Variants in STRA6 observed in about 807,000 individuals in gnomAD.
STRA6 encodes signaling receptor and transporter of retinol STRA6, also known as receptor for retinol uptake STRA6.
Under a neutral mutation model 83.6 loss-of-function variants are expected in STRA6, and 48 were observed. The observed-to-expected ratio is 0.57, with a 90% CI of 0.46 to 0.73. The LOEUF (loss-of-function observed/expected upper bound fraction) is 0.73, where lower values mean the gene tolerates loss of function less well. STRA6 is among the 30% of genes least tolerant of loss of function. The pLI is 0.00. For synonymous variants in STRA6, 353 were observed against 362.3 expected (o/e 0.97, Z 0.29); for missense variants, 760 against 838.8 (o/e 0.91, Z 1.16).
intron 7 of STRA6, chr15:74,194,816 C>T: frequency 7.6e-7 from 1 of 1,311,192 alleles, no homozygotes. Context: ...TACCATCACT[C>T]TTTGAGTTCT....
At chr15:74,208,530 C>G (rs1318935347) in intron 1 of STRA6, among the ~76,000 whole-genome samples, 1 of 152,138 alleles carries the variant, frequency 6.6e-6, no homozygotes, top group East Asian at 1.9e-4. Flanking sequence ...CAACCTTTTG[C>G]CCACAGCCAG....
At chr15:74,211,134 C>A (rs1016933967), upstream of STRA6, among the ~76,000 whole-genome samples, 2 of 127,556 alleles carry the variant, frequency 1.6e-5, no homozygotes, top group East Asian at 2.3e-4. Context: ...GATTCCCCCC[C>A]ACCACTACGC....
In STRA6 at chr15:74,197,399, T is replaced by TG; in HGVS notation, c.204dup (p.Met69HisfsTer11). ...CAGAGCTGGCGGCGCCTCACCAGCA[T>TG]GGCCAGGAGCAGCAGCACAAGGATC... is the stretch of plus-strand genomic sequence containing the variant. On this transcript the variant is annotated frameshift_variant, in exon 4 of 19. Coordinates refer to ENST00000395105, the MANE Select transcript of STRA6 (RefSeq NM_022369.4). LOFTEE classifies it high-confidence loss of function. The TG allele has an allele frequency of 6.4e-7, 1 of 1,550,424 alleles. No individual in the cohort carries two copies. Among genetic ancestry groups the TG allele is most frequent in the Non-Finnish European group, 8.7e-7 (1 of 1,146,914 alleles).
At chr15:74,191,340 C>T in intron 9 of STRA6, 84 bp downstream of exon 9, 2 of 1,607,376 alleles carry the variant, frequency 1.2e-6, no homozygotes, top group Non-Finnish European at 1.7e-6. Flanking sequence ...CTGCCCCTGC[C>T]ATGCTGCCCA....
At chr15:74,211,153 GCACACACA>G (rs71137380), upstream of STRA6, among the ~76,000 whole-genome samples, 20,891 of 148,702 alleles carry the variant, frequency 0.14, 2,008 homozygotes, top group Non-Finnish European at 0.21. Flanking sequence ...GCACGCACAC[GCACACACA>G]CACACACACA....
At chr15:74,185,395 C>T (rs1442244191) in intron 12 of STRA6, among the ~76,000 whole-genome samples, 1 of 152,208 alleles carries the variant, frequency 6.6e-6, no homozygotes, top group Non-Finnish European at 1.5e-5. Flanking sequence ...GCCATGTGGC[C>T]TTCAGGAGGG....
At chr15:74,180,534 C>A (rs369129127) in intron 18 of STRA6, among the ~76,000 whole-genome samples, 3 of 152,262 alleles carry the variant, frequency 2.0e-5, no homozygotes, top group South Asian at 2.1e-4. Context: ...GGGGCAGTGA[C>A]GGAGCCCCTT....
At chr15:74,189,385 C>A (rs1205731607) in intron 11 of STRA6, 108 bp from the exon 12 acceptor site, 5 of 1,459,292 alleles carry the variant, frequency 3.4e-6, no homozygotes, top group Non-Finnish European at 4.6e-6. Context: ...GCCACATGCC[C>A]ATTGCCCATC....
At chr15:74,182,097 AAG>A in intron 16 of STRA6, 62 bp downstream of exon 16, 1 of 1,411,060 alleles carries the variant, frequency 7.1e-7, no homozygotes, top group South Asian at 1.2e-5. Flanking sequence ...AGGACACAAA[AAG>A]AGAGAGACAC....
intron 2 of STRA6, among the ~76,000 whole-genome samples, chr15:74,201,259 T>A (rs986544283): frequency 6.6e-6 from 1 of 152,112 alleles, no homozygotes; most frequent in African/African-American, 2.4e-5. Context: ...CTTCTCAAGT[T>A]TCAGGTTTTG....
intron 12 of STRA6, 100 bp from the exon 13 acceptor site, chr15:74,185,155 C>T: frequency 1.7e-6 from 2 of 1,196,494 alleles, no homozygotes; most frequent in Non-Finnish European, 2.4e-6. Context: ...GGGAGTTCCC[C>T]CTGCCCCAAA....
At chr15:74,198,986 G>A (rs2073940719) in intron 2 of STRA6, among the ~76,000 whole-genome samples, 1 of 152,220 alleles carries the variant, frequency 6.6e-6, no homozygotes, top group Non-Finnish European at 1.5e-5. Flanking sequence ...AGAGTAGGCA[G>A]GACTGGGTCC....
chr15:74,193,585 C>G (rs1047883945), intron 8 of STRA6, among the ~76,000 whole-genome samples: 5 of 152,162 alleles, frequency 3.3e-5, no homozygotes, highest in Admixed American at 3.3e-4. Flanking sequence ...TTCACACAGC[C>G]CAGTGCCGCG....
rs142089943 is a variant in STRA6, at chr15:74,191,206, G to A, written c.826C>T (p.Arg276Cys). Residue 276 changes from arginine to cysteine, a missense_variant, in exon 10 of 19, where the codon CGC becomes TGC. Transcript: ENST00000395105. ...TSKHGFLSWA[R>C]VCLRHCIYTP... Reference sequence around the variant, plus strand: ...TAGATGCAGTGTCTCAAGCAGACGCGGGCCCAGGACAGGAAGCCATGCTTG... The same window carrying A: ...TAGATGCAGTGTCTCAAGCAGACGCAGGCCCAGGACAGGAAGCCATGCTTG... 394 of 1,613,352 alleles carry A rather than the reference G, an allele frequency of 2.4e-4. No individual in the cohort carries two copies. The African/African-American group carries it at 3.1e-3, about 13-fold the overall frequency.
At chr15:74,194,285 G>C in intron 7 of STRA6, 1 of 1,061,122 alleles carries the variant, frequency 9.4e-7, no homozygotes, top group Non-Finnish European at 1.2e-6. Context: ...GCCTGCCTTT[G>C]CCTACATATA....
rs1253742754 is a variant in STRA6 at position 74,180,024 on chromosome 15, G to GGGA, written c.*55_*56insTCC. 3 of 1,586,776 alleles carry GGGA rather than the reference G, an allele frequency of 1.9e-6. No individual in the cohort carries two copies. The highest frequency in any genetic ancestry group is 2.6e-6 in the Non-Finnish European group (3 of 1,158,916). ...AGGAGAGCCGGGGAGGGAGGAGGAT[G>GGGA]GTAGGCAGGAACATGCCTCAGCACA... On this transcript the variant is annotated 3_prime_UTR_variant, in exon 19 of 19. Coordinates refer to ENST00000395105, the MANE Select transcript of STRA6 (RefSeq NM_022369.4).
At chr15:74,205,849 G>T (rs2074248815), upstream of STRA6, among the ~76,000 whole-genome samples, 1 of 152,230 alleles carries the variant, frequency 6.6e-6, no homozygotes, top group South Asian at 2.1e-4. Flanking sequence ...AGGAAATGGT[G>T]AGCTTCGTCC....
At chr15:74,181,608 G>A (rs755534856) in intron 16 of STRA6, 150 bp from the exon 17 acceptor site, 7 of 1,128,696 alleles carry the variant, frequency 6.2e-6, no homozygotes, top group Non-Finnish European at 8.9e-6. Context: ...CCTGGGCAAG[G>A]CCTTCTCTCT....
At chr15:74,182,296 C>G (rs748443053) in intron 15 of STRA6, 34 bp from the exon 16 acceptor site, 1 of 1,612,734 alleles carries the variant, frequency 6.2e-7, no homozygotes, top group South Asian at 1.1e-5. Flanking sequence ...TCGCTGTTAG[C>G]GGACCTCTAA....
Sources: gnomAD v4.1 joint callset for allele counts (sites outside exome capture counted in the v4.1 genomes callset) on GRCh38, gnomAD v4.1.1 for gene constraint, MANE v1.5 for transcripts, NCBI Gene and HGNC (gene_info 2026-07-23, HGNC 2026-07-21) for gene names.